The following TSPAN12 variants were observed in gnomAD, a reference collection of about 807,000 sequenced individuals.
TSPAN12 encodes tetraspanin 12, also known as tetraspanin-12.
In TSPAN12, 19 loss-of-function variants were observed where a neutral mutation model predicts 39.2. The observed-to-expected ratio is 0.49, with a 90% CI of 0.34 to 0.71. The LOEUF (loss-of-function observed/expected upper bound fraction) is 0.71, where lower values mean the gene tolerates loss of function less well. Ranked by LOEUF, TSPAN12 falls within the 30% of genes least tolerant of loss-of-function variation. The pLI is 0.01. For missense variants in TSPAN12, 314 were observed against 359.9 expected (o/e 0.87, Z 1.03); for synonymous variants, 119 against 124.8 (o/e 0.95, Z 0.31).
intron 6 of TSPAN12, among the ~76,000 whole-genome samples, chr7:120,808,112 A>G (rs1314859525): frequency 2.6e-5 from 4 of 152,128 alleles, no homozygotes; most frequent in African/African-American, 7.2e-5. Context: ...TTTGCTAATG[A>G]CATGAGTCCT....
chr7:120,851,682 T>C (rs1354740897), intron 2 of TSPAN12, among the ~76,000 whole-genome samples: 1 of 152,182 alleles, frequency 6.6e-6, no homozygotes, highest in Non-Finnish European at 1.5e-5. Flanking sequence ...TAAATTTTAC[T>C]AGTAATAAAA....
chr7:120,855,629 G>A (rs560087835), intron 2 of TSPAN12, among the ~76,000 whole-genome samples: 1 of 152,222 alleles, frequency 6.6e-6, no homozygotes, highest in Non-Finnish European at 1.5e-5. Flanking sequence ...ATGCTTTAAT[G>A]TTGAGAAAAG....
chr7:120,854,561 A>G (rs1325317757), intron 2 of TSPAN12, among the ~76,000 whole-genome samples: 1 of 152,242 alleles, frequency 6.6e-6, no homozygotes, highest in Non-Finnish European at 1.5e-5. Flanking sequence ...TGTGCCTGGC[A>G]AACATAGTAA....
At position 120,788,534 on chromosome 7, in the gene TSPAN12, T is replaced by A; in HGVS notation, c.*58A>T. 6.3e-7 allele frequency: 1 copy of A among 1,597,852 alleles called. No individual in the cohort carries two copies. The highest frequency in any genetic ancestry group is 8.6e-7 in the Non-Finnish European group (1 of 1,165,746). ...TATTTCTGAAACACATAGTATGTACTCAAAAATTCACAAGTCCAGTAAAAC... is the reference window on the plus strand; with the variant it reads ...TATTTCTGAAACACATAGTATGTACACAAAAATTCACAAGTCCAGTAAAAC... On this transcript the variant is annotated 3_prime_UTR_variant, in exon 8 of 8. Coordinates refer to ENST00000222747, the MANE Select transcript of TSPAN12 (RefSeq NM_012338.4).
intron 4 of TSPAN12, among the ~76,000 whole-genome samples, chr7:120,826,382 T>C (rs1794286819): frequency 1.3e-5 from 2 of 152,186 alleles, no homozygotes; most frequent in South Asian, 4.1e-4. Context: ...GAAGTCACCA[T>C]GTACATGGTG....
At chr7:120,843,945 G>A (rs1584951341) in intron 2 of TSPAN12, among the ~76,000 whole-genome samples, 1 of 152,236 alleles carries the variant, frequency 6.6e-6, no homozygotes, top group South Asian at 2.1e-4. Context: ...ATAAATACCT[G>A]AAACTGGGTA....
rs1238881297 is a variant in TSPAN12 at position 120,788,056 on chromosome 7, G to T, written c.*536C>A. The T allele has an allele frequency of 1.8e-5, 3 of 164,572 alleles. No individual in the cohort carries two copies. Among genetic ancestry groups the T allele is most frequent in the Admixed American group, 5.8e-5 (1 of 17,122 alleles). 10.2% of individuals were successfully genotyped at this position (164,572 alleles called of 1,614,324 possible). ...GTTAGCTTGCTCTTTTAAGTGGTAA[G>T]AATATTTTAGTAACCAGCAAAAATC... is the stretch of plus-strand genomic sequence containing the variant. On this transcript the variant is annotated 3_prime_UTR_variant, in exon 8 of 8. Coordinates refer to ENST00000222747, the MANE Select transcript of TSPAN12 (RefSeq NM_012338.4).
intron 4 of TSPAN12, among the ~76,000 whole-genome samples, chr7:120,835,179 AAT>A (rs1794454127): frequency 6.6e-6 from 1 of 152,210 alleles, no homozygotes; most frequent in Non-Finnish European, 1.5e-5. Context: ...GGAAGTTTAT[AAT>A]AAGAGAAATA....
intron 5 of TSPAN12, among the ~76,000 whole-genome samples, chr7:120,812,254 C>T (rs1793996958): frequency 2.0e-5 from 3 of 152,058 alleles, no homozygotes. Flanking sequence ...GTCAGTATAT[C>T]AAGCTATGAT....
chr7:120,821,135 T>C (rs1584938014), intron 4 of TSPAN12, among the ~76,000 whole-genome samples: 1 of 152,206 alleles, frequency 6.6e-6, no homozygotes, highest in East Asian at 1.9e-4. Context: ...CTTTGAAAAA[T>C]TGTTCAATAC....
At chr7:120,819,879 T>C (rs1794155927) in intron 4 of TSPAN12, among the ~76,000 whole-genome samples, 1 of 151,718 alleles carries the variant, frequency 6.6e-6, no homozygotes, top group African/African-American at 2.4e-5. Flanking sequence ...AAGAGCTAGA[T>C]TTGAAGCATC....
chr7:120,854,120 A>C (rs762089672), intron 2 of TSPAN12, among the ~76,000 whole-genome samples: 8 of 152,188 alleles, frequency 5.3e-5, no homozygotes, highest in Non-Finnish European at 7.4e-5. Context: ...CAATGAGATA[A>C]TACTTTAAAT....
At chr7:120,828,748 C>A (rs908274070) in intron 4 of TSPAN12, among the ~76,000 whole-genome samples, 48 of 150,272 alleles carry the variant, frequency 3.2e-4, no homozygotes, top group African/African-American at 1.2e-3. Flanking sequence ...GGTAAAAAAC[C>A]CTAATTGTCT....
chr7:120,827,488 C>G (rs2116426921), intron 4 of TSPAN12, among the ~76,000 whole-genome samples: 1 of 152,160 alleles, frequency 6.6e-6, no homozygotes, highest in Non-Finnish European at 1.5e-5. Flanking sequence ...GCTCAATGTT[C>G]AGAGAAGAAA....
chr7:120,805,269 T>C (rs75311157), intron 7 of TSPAN12, among the ~76,000 whole-genome samples: 2,954 of 152,168 alleles, frequency 0.019, 53 homozygotes, highest in South Asian at 0.052. Flanking sequence ...CTTGTATAGG[T>C]AGTACAGCAT....
At chr7:120,845,240 C>T (rs772495511) in intron 2 of TSPAN12, among the ~76,000 whole-genome samples, 13 of 152,268 alleles carry the variant, frequency 8.5e-5, no homozygotes, top group Non-Finnish European at 1.5e-4. Flanking sequence ...CCTAGGCTTT[C>T]GGGCCTGTGA....
At chr7:120,819,065 C>A (rs923682563) in intron 4 of TSPAN12, among the ~76,000 whole-genome samples, 1 of 152,070 alleles carries the variant, frequency 6.6e-6, no homozygotes, top group Non-Finnish European at 1.5e-5. Flanking sequence ...GACAGTGAGA[C>A]TCCAGAGAAA....
In TSPAN12 at chr7:120,789,424, A is replaced by T. The variant is rs528760380; in HGVS notation, c.613-527T>A. 1.5e-3 allele frequency among the ~76,000 whole-genome samples: 230 copies of T among 152,334 alleles called. 1 individual carries two copies. Among genetic ancestry groups the T allele is most frequent in the Non-Finnish European group, 2.3e-3 (156 of 68,016 alleles). Reference sequence around the variant, plus strand: ...TAATAATACTTAACACCGGTTTGGTAAAGTCGCTTCTCTGGCCGCCTTAAC... The same window carrying T: ...TAATAATACTTAACACCGGTTTGGTTAAGTCGCTTCTCTGGCCGCCTTAAC... On this transcript the variant is annotated intron_variant, in intron 7 of 7. Coordinates refer to ENST00000222747, the MANE Select transcript of TSPAN12 (RefSeq NM_012338.4).
intron 4 of TSPAN12, among the ~76,000 whole-genome samples, chr7:120,825,682 C>T (rs971596225): frequency 3.9e-5 from 6 of 152,194 alleles, no homozygotes; most frequent in Admixed American, 1.3e-4. Flanking sequence ...TATTATGTTA[C>T]TTACAGTTAG....
Sources: gnomAD v4.1 joint callset for allele counts (sites outside exome capture counted in the v4.1 genomes callset) on GRCh38, gnomAD v4.1.1 for gene constraint, MANE v1.5 for transcripts, NCBI Gene and HGNC (gene_info 2026-07-23, HGNC 2026-07-21) for gene names.